LHX4: variants seen among roughly 807,000 people sequenced by gnomAD.
LHX4 encodes the protein LIM/homeobox protein Lhx4.
In LHX4, 16 loss-of-function variants were observed where a neutral mutation model predicts 39.2. The ratio of observed to expected loss-of-function variants is 0.41; its 90% CI spans 0.28 to 0.62. LHX4 has a LOEUF of 0.62. LHX4 is among the 20% of genes least tolerant of loss of function. The pLI, the probability that LHX4 is intolerant of heterozygous loss-of-function variation, is 0.33. For synonymous variants in LHX4, 206 were observed against 198.1 expected, an observed-to-expected ratio of 1.04 and a Z score of -0.33; for missense variants, 439 against 511.9, an observed-to-expected ratio of 0.86 and a Z score of 1.37.
At chr1:180,244,649 T>C (rs922397163) in intron 1 of LHX4, among the ~76,000 whole-genome samples, 3 of 152,196 alleles carry the variant, frequency 2.0e-5, no homozygotes, top group Non-Finnish European at 4.4e-5. Flanking sequence ...AGGAGAAATA[T>C]AGCCAAATCT....
intron 2 of LHX4, among the ~76,000 whole-genome samples, chr1:180,262,089 G>T (rs1648133274): frequency 6.6e-6 from 1 of 152,126 alleles, no homozygotes; most frequent in African/African-American, 2.4e-5. Flanking sequence ...AGCATTCCAT[G>T]CAAAATGGTT....
chr1:180,249,886 A>T (rs61809136), intron 2 of LHX4, among the ~76,000 whole-genome samples: 29 of 143,452 alleles, frequency 2.0e-4, no homozygotes, highest in African/African-American at 7.2e-4. Context: ...TGCGTGTGTG[A>T]GTGTGTGTAT....
At position 180,274,266 on chromosome 1, in the gene LHX4, A is replaced by C; in HGVS notation, c.860A>C (p.Asn287Thr). The change falls in exon 6 of 6, where the codon AAT becomes ACT. Residue 287 changes from asparagine to threonine, a missense_variant. Transcript: ENST00000263726. ...GACGTTACAGGCGGACAGTTAATGA[A>C]TGGGAGCTTCTCCATGGACGGGACA... ...VGDVTGGQLMNGSFSMDGTGQ... is the reference protein window; with the variant it reads ...VGDVTGGQLMTGSFSMDGTGQ... 6.2e-7 allele frequency: 1 copy of C among 1,614,236 alleles called. No homozygotes were observed. Among genetic ancestry groups the C allele is most frequent in the African/African-American group, 1.3e-5 (1 of 75,056 alleles).
chr1:180,249,412 T>C (rs974227463), intron 2 of LHX4, among the ~76,000 whole-genome samples: 3 of 152,166 alleles, frequency 2.0e-5, no homozygotes, highest in Admixed American at 6.5e-5. Flanking sequence ...CCTTAGCCAA[T>C]GTGGAGCAGC....
chr1:180,265,435 G>A (rs1418578884), intron 2 of LHX4, among the ~76,000 whole-genome samples: 5 of 152,226 alleles, frequency 3.3e-5, no homozygotes, highest in Admixed American at 6.5e-5. Flanking sequence ...TATGACCATC[G>A]GTGTGCCTCT....
In LHX4 at chr1:180,271,395, G is replaced by A. The variant is rs769927908; in HGVS notation, c.467G>A (p.Gly156Glu). ...TTCCTTGCAGATGACTCAGAGGCTG[G>A]AGCTAAGCGGCCCCGGACCACCATC... ...TAKQNDDSEAGAKRPRTTITA... is the reference protein window; with the variant it reads ...TAKQNDDSEAEAKRPRTTITA... The change falls in exon 4 of 6, where the codon GGA becomes GAA. Residue 156 changes from glycine to glutamate, a missense_variant. Physicochemically the swap from Gly to Glu is moderately conservative, Grantham distance 98 (BLOSUM62 -2). Transcript: ENST00000263726. The A allele has an allele frequency of 3.7e-6, 6 of 1,614,064 alleles. No individual in the cohort carries two copies. The highest frequency in any genetic ancestry group is 5.1e-6 in the Non-Finnish European group (6 of 1,180,042).
At position 180,234,220 on chromosome 1, in the gene LHX4, T is replaced by TATA. The variant is rs1389328209; in HGVS notation, c.76+3616_76+3617insTAA. Among the ~76,000 whole-genome samples, 1 of 70,230 alleles carries TATA rather than the reference T, an allele frequency of 1.4e-5. No homozygotes were observed. Among genetic ancestry groups the TATA allele is most frequent in the African/African-American group, 7.6e-5 (1 of 13,230 alleles). The allele number at this position is 70,230 out of a possible 152,430, so 46.1% of individuals were successfully genotyped here. Reference sequence around the variant, plus strand: ...ATATATATATATATATATATATATATAATAGATTGAGATTCTATCATATTC... The same window carrying TATA: ...ATATATATATATATATATATATATATATAAATAGATTGAGATTCTATCATATTC... On this transcript the variant is annotated intron_variant, in intron 1 of 5. Transcript: ENST00000263726. This position sits in a 1 kb window ranked among gnomAD's most constrained non-coding sequence, Gnocchi z 4.8.
chr1:180,253,990 C>A (rs555948091), intron 2 of LHX4, among the ~76,000 whole-genome samples: 2 of 152,192 alleles, frequency 1.3e-5, no homozygotes, highest in Non-Finnish European at 2.9e-5. Context: ...GAGAAACAAA[C>A]CATTATGGAG....
chr1:180,263,444 G>A (rs704334), intron 2 of LHX4, among the ~76,000 whole-genome samples: 10,165 of 152,210 alleles, frequency 0.067, 473 homozygotes, highest in Non-Finnish European at 0.095. Flanking sequence ...ATGGGGTGGA[G>A]GGTGATCTGC....
intron 2 of LHX4, among the ~76,000 whole-genome samples, chr1:180,258,717 T>G (rs1647976608): frequency 6.6e-6 from 1 of 151,992 alleles, no homozygotes; most frequent in African/African-American, 2.4e-5. Flanking sequence ...GGCGGGAGGA[T>G]CTCTTGAGCC....
chr1:180,229,225 G>A (rs1046289689), upstream of LHX4, among the ~76,000 whole-genome samples: 3 of 152,246 alleles, frequency 2.0e-5, no homozygotes, highest in Non-Finnish European at 4.4e-5. Context: ...CACGCACGAG[G>A]TCGCGGATGG....
chr1:180,256,672 G>A (rs1017573895), intron 2 of LHX4, among the ~76,000 whole-genome samples: 3 of 152,200 alleles, frequency 2.0e-5, no homozygotes, highest in Non-Finnish European at 4.4e-5. Flanking sequence ...GCTGCACTGG[G>A]CCATCCGTGG....
chr1:180,229,969 G>GGGGT (rs1331926125), upstream of LHX4, among the ~76,000 whole-genome samples: 2 of 145,124 alleles, frequency 1.4e-5, no homozygotes, highest in African/African-American at 5.1e-5. Flanking sequence ...CGGGGAGGGG[G>GGGGT]GGGGGGTGCC....
chr1:180,250,860 G>T (rs925709744), intron 2 of LHX4, among the ~76,000 whole-genome samples: 1 of 152,178 alleles, frequency 6.6e-6, no homozygotes, highest in Non-Finnish European at 1.5e-5. Flanking sequence ...CCCAGGAAGC[G>T]CCCACAGTGT....
At chr1:180,243,687 G>A (rs995338199) in intron 1 of LHX4, among the ~76,000 whole-genome samples, 10 of 152,200 alleles carry the variant, frequency 6.6e-5, no homozygotes, top group Non-Finnish European at 1.5e-4. Flanking sequence ...GACAGAGGCT[G>A]CTGCTTCCCG....
chr1:180,242,615 C>T (rs1397890582), intron 1 of LHX4, among the ~76,000 whole-genome samples: 1 of 152,138 alleles, frequency 6.6e-6, no homozygotes, highest in Non-Finnish European at 1.5e-5. Flanking sequence ...TGTCCCTCTG[C>T]ATGACTAGGA....
rs755804131 is a variant in LHX4, at chr1:180,234,653, G to A, written c.76+4048G>A. The stretch of plus-strand genomic sequence containing the variant: ...GAATTAACTGTTAAAGCCGGACACG[G>A]AGCACGCAGGTGCAGCAGGTGAGGG... On this transcript the variant is annotated intron_variant, in intron 1 of 5. Coordinates refer to ENST00000263726, the MANE Select transcript of LHX4 (RefSeq NM_033343.4). The surrounding 1 kb of genome is among the most constrained non-coding windows in gnomAD (Gnocchi z 4.8). Among the ~76,000 whole-genome samples the A allele has an allele frequency of 3.3e-5, 5 of 152,276 alleles. No homozygotes were observed. Among genetic ancestry groups the A allele is most frequent in the Admixed American group, 6.5e-5 (1 of 15,292 alleles).
chr1:180,239,619 T>C (rs1232268063), intron 1 of LHX4, among the ~76,000 whole-genome samples: 2 of 152,230 alleles, frequency 1.3e-5, no homozygotes, highest in Non-Finnish European at 2.9e-5. Context: ...GTGGCTTTGA[T>C]TGAGCACAGG....
Position 180,263,626 on chromosome 1 carries a change from G to A in LHX4, c.249-2766G>A, listed in dbSNP as rs924656377. Among the ~76,000 whole-genome samples the A allele has an allele frequency of 6.6e-5, 10 of 152,326 alleles. No individual in the cohort carries two copies. In the South Asian group the frequency reaches 1.2e-3, roughly 19 times the overall value. ...AAAATTGCTTCAATTGCTAAAAAAC[G>A]CTGGTGGGGAAGTCCACTTATTTTT... On this transcript the variant is annotated intron_variant, in intron 2 of 5. Coordinates refer to ENST00000263726, the MANE Select transcript of LHX4 (RefSeq NM_033343.4).
Sources: gnomAD v4.1 joint callset for allele counts (sites outside exome capture counted in the v4.1 genomes callset) on GRCh38, gnomAD v4.1.1 for gene constraint, Gnocchi (gnomAD v3.1) non-coding constraint, MANE v1.5 for transcripts, NCBI Gene and HGNC (gene_info 2026-07-23, HGNC 2026-07-21) for gene names.